Variants in UNC79 observed in about 807,000 individuals in gnomAD.
The protein encoded by UNC79 is unc-79 subunit of NALCN channel complex, also known as protein unc-79 homolog.
Under a neutral mutation model 283.1 loss-of-function variants are expected in UNC79, and 37 were observed. The ratio of observed to expected loss-of-function variants is 0.13; its 90% confidence interval spans 0.10 to 0.17. UNC79 has a LOEUF of 0.17. UNC79 is among the 10% of genes least tolerant of loss of function. The pLI is 1.00. For synonymous variants in UNC79, 1,107 were observed against 1,200.2 expected (o/e 0.92, Z 1.61); for missense variants, 2,272 against 3,211.1 (o/e 0.71, Z 7.07).
chr14:93,386,388 AT>A (rs1423132145), intron 1 of UNC79, among the ~76,000 whole-genome samples: 2 of 151,902 alleles, frequency 1.3e-5, no homozygotes, highest in Admixed American at 6.6e-5. Flanking sequence ...TTTTGTTGAG[AT>A]TTTTGCATCA....
chr14:93,636,317 T>C (rs1056703568), intron 31 of UNC79, among the ~76,000 whole-genome samples: 1 of 152,184 alleles, frequency 6.6e-6, no homozygotes, highest in Non-Finnish European at 1.5e-5. Context: ...CTGTTTTCCA[T>C]CCTCCAAATT....
intron 1 of UNC79, among the ~76,000 whole-genome samples, chr14:93,390,340 C>A (rs189347866): frequency 3.3e-5 from 5 of 152,192 alleles, no homozygotes; most frequent in African/African-American, 1.2e-4. Flanking sequence ...AAGGTTTCTA[C>A]AGAAAAGCAA....
intron 32 of UNC79, 21 bp from the exon 36 acceptor site, chr14:93,641,124 G>T (rs1466169901): frequency 6.2e-7 from 1 of 1,608,212 alleles, no homozygotes; most frequent in Non-Finnish European, 8.5e-7. Flanking sequence ...TTCACTGGTT[G>T]TCCCTTTGCT....
intron 26 of UNC79, among the ~76,000 whole-genome samples, chr14:93,607,460 C>T (rs2139671389): frequency 6.6e-6 from 1 of 152,292 alleles, no homozygotes; most frequent in South Asian, 2.1e-4. Flanking sequence ...AGAACTGATG[C>T]TGGCATCCAA....
intron 40 of UNC79, among the ~76,000 whole-genome samples, chr14:93,671,030 C>A (rs1176675517): frequency 6.6e-6 from 1 of 152,122 alleles, no homozygotes; most frequent in African/African-American, 2.4e-5. Context: ...AAATTGAAAC[C>A]AATTCAACAT....
intron 22 of UNC79, among the ~76,000 whole-genome samples, chr14:93,588,697 T>C (rs1177258244): frequency 1.0e-4 from 13 of 129,112 alleles, no homozygotes; most frequent in African/African-American, 3.7e-4. Flanking sequence ...GCCGAGATCG[T>C]GCCACTACAC....
chr14:93,490,992 A>G (rs1171527300), intron 5 of UNC79, among the ~76,000 whole-genome samples: 1 of 152,212 alleles, frequency 6.6e-6, no homozygotes, highest in Non-Finnish European at 1.5e-5. Flanking sequence ...TAAGCAATGC[A>G]CATTTGTTTC....
intron 1 of UNC79, chr14:93,347,892 TTA>T (rs1445392642): frequency 5.2e-6 from 3 of 579,450 alleles, no homozygotes; most frequent in Non-Finnish European, 9.3e-6. Flanking sequence ...TTTCAGCATT[TTA>T]GATTTCACTA....
chr14:93,517,019 A>G (rs1489643701), intron 7 of UNC79, among the ~76,000 whole-genome samples: 1 of 152,082 alleles, frequency 6.6e-6, no homozygotes, highest in Non-Finnish European at 1.5e-5. Flanking sequence ...TTGGTACTCT[A>G]CAAATACCCT....
intron 30 of UNC79, among the ~76,000 whole-genome samples, chr14:93,629,518 T>C (rs1275025455): frequency 6.6e-6 from 1 of 152,218 alleles, no homozygotes; most frequent in Non-Finnish European, 1.5e-5. Context: ...ACAAGAGTTA[T>C]GCTTTTTTGT....
chr14:93,404,513 T>TATATATAA lies in UNC79; in HGVS notation c.-350-63157_-350-63156insTATATAAA, dbSNP rs1229909876. ...AAAAAAATATATATATATATATATATAAATATATACATATTATATATTATT... is the reference window on the plus strand; with the variant it reads ...AAAAAAATATATATATATATATATATATATATAAAAATATATACATATTATATATTATT... On this transcript the variant is annotated intron_variant, in intron 1 of 49. Coordinates refer to the UNC79 transcript ENST00000256339. Among the ~76,000 whole-genome samples, 929 of 113,266 alleles carry TATATATAA rather than the reference T, an allele frequency of 8.2e-3. 62 individuals carry two copies. Among genetic ancestry groups the TATATATAA allele is most frequent in the African/African-American group, 0.03 (887 of 29,726 alleles). 74.3% of individuals were successfully genotyped at this position (113,266 alleles called of 152,430 possible).
intron 4 of UNC79, among the ~76,000 whole-genome samples, chr14:93,484,539 G>C (rs1294168099): frequency 1.3e-5 from 2 of 152,216 alleles, no homozygotes; most frequent in Admixed American, 1.3e-4. Flanking sequence ...GGAGATCATG[G>C]TAATGATTGT....
intron 40 of UNC79, among the ~76,000 whole-genome samples, chr14:93,666,037 A>C (rs2072165144): frequency 7.0e-6 from 1 of 141,912 alleles, no homozygotes; most frequent in Non-Finnish European, 1.5e-5. Flanking sequence ...AGAATACTAG[A>C]AAATAGTACT....
In UNC79 at chr14:93,466,454, G is replaced by A. The variant is rs115453189; in HGVS notation, c.23-1217G>A. 4.6e-3 allele frequency among the ~76,000 whole-genome samples: 705 copies of A among 152,322 alleles called. 3 individuals are homozygous for A. Among genetic ancestry groups the A allele is most frequent in the African/African-American group, 0.016 (668 of 41,578 alleles). On this transcript the variant is annotated intron_variant, in intron 1 of 48. Coordinates refer to ENST00000555664, the Ensembl canonical transcript of UNC79. ...TTGGGATCAGGAAATCTAAGTACTA[G>A]TCTGGCTCTGCCATTGACCACCTAT...
chr14:93,677,903 C>G (rs1288551903), intron 41 of UNC79, among the ~76,000 whole-genome samples: 2 of 152,212 alleles, frequency 1.3e-5, no homozygotes, highest in Non-Finnish European at 2.9e-5. Flanking sequence ...CTGCCTCGGC[C>G]TCCCAAAGTG....
At chr14:93,335,490 G>A (rs2053559031) in intron 1 of UNC79, among the ~76,000 whole-genome samples, 1 of 152,170 alleles carries the variant, frequency 6.6e-6, no homozygotes, top group Non-Finnish European at 1.5e-5. Flanking sequence ...ATTTTTTTAA[G>A]GCTAGTGTTA....
intron 14 of UNC79, 137 bp from the exon 15 acceptor site, chr14:93,571,757 C>G (rs1217804016): frequency 1.2e-6 from 1 of 804,486 alleles, no homozygotes; most frequent in African/African-American, 1.7e-5. Context: ...CAATCTCACA[C>G]TGAAGATTCT....
At position 93,634,516 on chromosome 14, in the gene UNC79, TC is replaced by T; in HGVS notation, c.5717-2699del. ...TATAATCATCTCCTAATTTCCTCCA[TC>T]TAGCTCAGTATAGGCAGATGAAAAG... On this transcript the variant is annotated intron_variant, in intron 31 of 48. Coordinates refer to ENST00000555664, the Ensembl canonical transcript of UNC79. The T allele has an allele frequency of 6.2e-7, 1 of 1,609,378 alleles. No individual in the cohort carries two copies. Among genetic ancestry groups the T allele is most frequent in the Non-Finnish European group, 8.5e-7 (1 of 1,175,744 alleles).
chr14:93,553,164 C>T (rs1441063777), intron 14 of UNC79, among the ~76,000 whole-genome samples: 1 of 152,108 alleles, frequency 6.6e-6, no homozygotes, highest in African/African-American at 2.4e-5. Context: ...CTGCAGAAAT[C>T]AGGTAGAGAG....
Sources: gnomAD v4.1 joint callset for allele counts (sites outside exome capture counted in the v4.1 genomes callset) on GRCh38, gnomAD v4.1.1 for gene constraint, MANE v1.5 for transcripts, NCBI Gene and HGNC (gene_info 2026-07-23, HGNC 2026-07-21) for gene names.